Variants in ZNF724 observed in about 807,000 individuals in gnomAD.
ZNF724 encodes zinc finger protein 724.
Under a neutral mutation model 29.3 loss-of-function variants are expected in ZNF724, and 14 were observed. The ratio of observed to expected loss-of-function variants is 0.48; its 90% CI spans 0.32 to 0.75. The LOEUF (loss-of-function observed/expected upper bound fraction) is 0.75, where lower values mean the gene tolerates loss of function less well. ZNF724 is among the 30% of genes least tolerant of loss of function. The probability of loss-of-function intolerance (pLI) is 0.04; values close to 1 mark genes in which losing one functional copy is unlikely to be tolerated. For synonymous variants in ZNF724, 180 were observed against 193.6 expected (o/e 0.93, Z 0.58); for missense variants, 557 against 571.2 (o/e 0.98, Z 0.25).
chr19:23,222,834 T>C lies in ZNF724; in HGVS notation c.1411A>G (p.Ile471Val), dbSNP rs1302959619. The C allele has an allele frequency of 1.4e-6, 2 of 1,419,628 alleles. No individual in the cohort carries two copies. The highest frequency in any genetic ancestry group is 2.0e-6 in the Non-Finnish European group (2 of 1,009,912). 87.9% of individuals were successfully genotyped at this position (1,419,628 alleles called of 1,614,324 possible). A position where few individuals can be genotyped will look rare whatever the true frequency, so the allele number is the denominator to read the frequency against. Residue 471 changes from isoleucine (I) to valine (V), a missense_variant, in exon 4 of 4, where the codon ATT (isoleucine) becomes GTT (valine). Physicochemically the swap from Ile to Val is conservative, Grantham distance 29. This residue lies in a region of ZNF724 where 170 missense variants were observed against 220.7 expected (regional missense o/e 0.77). Coordinates refer to ENST00000418100, the MANE Select transcript of ZNF724 (RefSeq NM_001355404.2). ...TTGTAGGGTTTCTCTCCAGTATGAA[T>C]TATCCTATGTTCAGTAAGGTTTGAG... ...RSSNLTEHRI[I>V]HTGEKPYKCE...
chr19:23,246,578 C>T (rs1050479751), intron 1 of ZNF724, among the ~76,000 whole-genome samples: 1 of 151,856 alleles, frequency 6.6e-6, no homozygotes, highest in Admixed American at 6.6e-5. Flanking sequence ...TTGCTTAAAC[C>T]CGGAGTCGGA....
intron 2 of ZNF724, 90 bp downstream of exon 2, chr19:23,232,077 T>A (rs1971943823): frequency 1.2e-5 from 13 of 1,063,366 alleles, no homozygotes; most frequent in Non-Finnish European, 1.9e-5. Flanking sequence ...TACTCATTTA[T>A]GCAAAGATCA....
chr19:23,241,358 C>T (rs1728519032), intron 1 of ZNF724, among the ~76,000 whole-genome samples: 1 of 152,140 alleles, frequency 6.6e-6, no homozygotes, highest in Admixed American at 6.6e-5. Flanking sequence ...AAAACTATTA[C>T]AAAAAATTAA....
intron 1 of ZNF724, among the ~76,000 whole-genome samples, chr19:23,233,279 T>C (rs1971969346): frequency 6.6e-6 from 1 of 152,224 alleles, no homozygotes; most frequent in African/African-American, 2.4e-5. Flanking sequence ...TTTTTAATAG[T>C]GATTTTAAGT....
intron 1 of ZNF724, among the ~76,000 whole-genome samples, chr19:23,241,854 A>T (rs1244736132): frequency 3.3e-5 from 5 of 152,214 alleles, no homozygotes; most frequent in Non-Finnish European, 7.3e-5. Context: ...TACCGCTCTT[A>T]TTCAACAGAG....
At chr19:23,240,459 G>T (rs1046862976) in intron 1 of ZNF724, among the ~76,000 whole-genome samples, 2 of 151,894 alleles carry the variant, frequency 1.3e-5, no homozygotes, top group Non-Finnish European at 2.9e-5. Context: ...ATTATTGGAC[G>T]ACATTATTCT....
Position 23,222,675 on chromosome 19 carries a change from GTC to G in ZNF724, c.1568_1569del (p.Arg523ThrfsTer2). On this transcript the variant is annotated frameshift_variant, in exon 4 of 4. Transcript: ENST00000418100. LOFTEE classifies it high-confidence loss of function. ...KAFNQSSTLA[R>X]HKIIHAGEKP... ...TTCTCTCCAGCATGAATTATCTTAT[GTC>G]TAGCAAGTGTCGAGGATTGGTTAAA... 1 of 1,376,566 alleles carries G rather than the reference GTC, an allele frequency of 7.3e-7. No individual in the cohort carries two copies. The highest frequency in any genetic ancestry group is 1.2e-5 in the South Asian group (1 of 85,490). 85.3% of individuals were successfully genotyped at this position (1,376,566 alleles called of 1,614,324 possible).
At position 23,231,282 on chromosome 19, in the gene ZNF724, C is replaced by T. The variant is rs751991100; in HGVS notation, c.210G>A (p.Met70Ile). 2.1e-5 allele frequency: 28 copies of T among 1,359,718 alleles called. No individual in the cohort carries two copies. The highest frequency in any genetic ancestry group is 7.2e-5 in the African/African-American group (5 of 69,796). 84.2% of individuals were successfully genotyped at this position (1,359,718 alleles called of 1,614,324 possible). A position where few individuals can be genotyped will look rare whatever the true frequency, so the allele number is the denominator to read the frequency against. Residue 70 changes from methionine to isoleucine, a missense_variant, in exon 3 of 4, where the codon ATG (methionine) becomes ATA (isoleucine). Transcript: ENST00000418100. ...KEPWNMERHE[M>I]VAKPPGMCCY... ...CTCACCTACCTGGGGGTTTGGCCAC[C>T]ATCTCATGTCTCTCCATATTCCAGG...
At chr19:23,249,467 C>T (rs925931983) in intron 1 of ZNF724, among the ~76,000 whole-genome samples, 16 of 151,048 alleles carry the variant, frequency 1.1e-4, no homozygotes, top group Non-Finnish European at 1.9e-4. Context: ...GGCGTCAGCT[C>T]GCCTCACTGC....
chr19:23,250,029 G>A (rs1029798370), intron 1 of ZNF724, among the ~76,000 whole-genome samples: 1 of 152,184 alleles, frequency 6.6e-6, no homozygotes, highest in African/African-American at 2.4e-5. Flanking sequence ...CACAGTCACT[G>A]GGCGGGGAAG....
intron 3 of ZNF724, among the ~76,000 whole-genome samples, chr19:23,228,267 T>C (rs1248276201): frequency 1.3e-5 from 2 of 151,020 alleles, no homozygotes; most frequent in Non-Finnish European, 3.0e-5. Flanking sequence ...CTGGCCAACA[T>C]GGTGAAACAC....
chr19:23,229,678 T>C (rs2145777244), intron 3 of ZNF724, among the ~76,000 whole-genome samples: 1 of 152,300 alleles, frequency 6.6e-6, no homozygotes, highest in East Asian at 1.9e-4. Flanking sequence ...TGTGCAGACA[T>C]AGCAGCCTTG....
At position 23,241,031 on chromosome 19, in the gene ZNF724, T is replaced by TCAA. The variant is rs759872431; in HGVS notation, c.4-8741_4-8739dup. Among the ~76,000 whole-genome samples, 784 of 151,454 alleles carry TCAA rather than the reference T, an allele frequency of 5.2e-3. 8 individuals carry two copies. Among genetic ancestry groups the TCAA allele is most frequent in the African/African-American group, 0.017 (693 of 41,258 alleles). ...CTGGGCAACAGAGCAAGACTCCATCTCAACAACAACAACAACAACAACAAA... is the reference window on the plus strand; with the variant it reads ...CTGGGCAACAGAGCAAGACTCCATCTCAACAACAACAACAACAACAACAACAAA... On this transcript the variant is annotated intron_variant, in intron 1 of 3. Coordinates refer to ENST00000418100, the MANE Select transcript of ZNF724 (RefSeq NM_001355404.2).
intron 3 of ZNF724, among the ~76,000 whole-genome samples, chr19:23,228,567 C>T (rs374028465): frequency 5.3e-5 from 8 of 151,834 alleles, no homozygotes; most frequent in African/African-American, 1.9e-4. Flanking sequence ...CCAGCCTGGC[C>T]AACATGGCGA....
intron 1 of ZNF724, among the ~76,000 whole-genome samples, chr19:23,235,674 C>T (rs1464316939): frequency 6.6e-6 from 1 of 152,082 alleles, no homozygotes; most frequent in Non-Finnish European, 1.5e-5. Context: ...TGATTGCTAC[C>T]CTGTGAAGTT....
chr19:23,236,854 ATTTTT>A (rs913234991), intron 1 of ZNF724: 6 of 151,724 alleles, frequency 4.0e-5, no homozygotes, highest in African/African-American at 1.4e-4. Context: ...GCTCCTTTTT[ATTTTT>A]ATTTTTTTTT....
intron 1 of ZNF724, among the ~76,000 whole-genome samples, chr19:23,234,563 A>G (rs1971994824): frequency 6.6e-6 from 1 of 151,936 alleles, no homozygotes; most frequent in Non-Finnish European, 1.5e-5. Context: ...GAGATTCTCC[A>G]GCCTCAGCCT....
At chr19:23,242,365 G>A (rs1258403623) in intron 1 of ZNF724, among the ~76,000 whole-genome samples, 3 of 151,404 alleles carry the variant, frequency 2.0e-5, no homozygotes, top group Admixed American at 1.3e-4. Context: ...GATTGCCTGA[G>A]CTCAGGAGTT....
chr19:23,226,368 G>C (rs889730061), intron 3 of ZNF724, among the ~76,000 whole-genome samples: 1 of 152,046 alleles, frequency 6.6e-6, no homozygotes, highest in Non-Finnish European at 1.5e-5. Context: ...GGGTCTTTAC[G>C]GGTGGGCCAG....
Sources: allele counts gnomAD v4.1 joint callset (sites outside exome capture counted in the v4.1 genomes callset), GRCh38; gene constraint gnomAD v4.1.1; regional missense constraint gnomAD v4.1.1; transcripts MANE v1.5; gene names NCBI Gene and HGNC (gene_info 2026-07-23, HGNC 2026-07-21).